Variants in TPST1 observed in about 807,000 individuals in gnomAD.
TPST1 encodes the protein protein-tyrosine sulfotransferase 1.
In TPST1, 20 loss-of-function variants were observed where a neutral mutation model predicts 34.8. That is an observed-to-expected ratio of 0.57 (90% CI 0.40 to 0.84). The LOEUF (loss-of-function observed/expected upper bound fraction) is 0.84. TPST1 is among the 40% of genes least tolerant of loss of function. The pLI is 0.00. For missense variants in TPST1, 353 were observed against 455.5 expected (o/e 0.78, Z 2.05); for synonymous variants, 152 against 159.4 (o/e 0.95, Z 0.35).
intron 3 of TPST1, among the ~76,000 whole-genome samples, chr7:66,301,574 A>G (rs10250544): frequency 0.67 from 101,203 of 152,046 alleles, 34,044 homozygotes; most frequent in African/African-American, 0.76. Flanking sequence ...TATTCCTTTC[A>G]TTTGGACACT....
chr7:66,328,645 A>G (rs1190572131), intron 3 of TPST1, among the ~76,000 whole-genome samples: 2 of 151,416 alleles, frequency 1.3e-5, no homozygotes, highest in South Asian at 2.1e-4. Flanking sequence ...CTTGGGTTCA[A>G]GCAATTCTCT....
chr7:66,202,583 A>T (rs1415450361), upstream of TPST1, among the ~76,000 whole-genome samples: 4 of 152,136 alleles, frequency 2.6e-5, no homozygotes, highest in African/African-American at 9.7e-5. Context: ...TTGTGGAAAG[A>T]GCCTGGCAGG....
chr7:66,356,748 A>C, intron 4 of TPST1, 77 bp from the exon 5 acceptor site: 1 of 1,559,568 alleles, frequency 6.4e-7, no homozygotes, highest in East Asian at 2.2e-5. Flanking sequence ...GCCACCCCTC[A>C]TGTTTCAGTG....
chr7:66,221,082 G>A (rs1789532963), intron 1 of TPST1, among the ~76,000 whole-genome samples: 1 of 151,548 alleles, frequency 6.6e-6, no homozygotes, highest in Non-Finnish European at 1.5e-5. Flanking sequence ...GCAGTGAGCC[G>A]AGATTGTGCC....
At chr7:66,203,508 C>T (rs1208981211), upstream of TPST1, among the ~76,000 whole-genome samples, 7 of 140,422 alleles carry the variant, frequency 5.0e-5, no homozygotes, top group African/African-American at 1.6e-4. Flanking sequence ...TTTTTTGAGA[C>T]GGAGTCTCAC....
chr7:66,307,177 A>C (rs117730872), intron 3 of TPST1, among the ~76,000 whole-genome samples: 1,520 of 148,482 alleles, frequency 0.01, 15 homozygotes, highest in Non-Finnish European at 0.018. Context: ...GTCTGCAGTG[A>C]TGAGATCTCG....
intron 3 of TPST1, among the ~76,000 whole-genome samples, chr7:66,343,459 C>T: frequency 6.6e-6 from 1 of 152,108 alleles, no homozygotes; most frequent in East Asian, 1.9e-4. Flanking sequence ...GGGTACTATG[C>T]TCACGACCTG....
chr7:66,213,538 G>C (rs1174320108), intron 1 of TPST1, among the ~76,000 whole-genome samples: 2 of 152,074 alleles, frequency 1.3e-5, no homozygotes, highest in African/African-American at 4.8e-5. Context: ...GGCAGATCAC[G>C]AGGTCGGGAG....
chr7:66,201,637 G>C (rs1313161373), upstream of TPST1, among the ~76,000 whole-genome samples: 7 of 151,870 alleles, frequency 4.6e-5, no homozygotes, highest in Non-Finnish European at 4.4e-5. Flanking sequence ...GTTGCAGTCA[G>C]CCGATATCAT....
intron 3 of TPST1, among the ~76,000 whole-genome samples, chr7:66,303,278 C>G (rs1167892773): frequency 6.6e-6 from 1 of 150,832 alleles, no homozygotes; most frequent in Non-Finnish European, 1.5e-5. Flanking sequence ...AAAAAAAAGA[C>G]TATGCATCCC....
chr7:66,360,184 T>C lies in TPST1; in HGVS notation c.*319T>C, dbSNP rs1792662617. The C allele has an allele frequency of 3.2e-6, 1 of 310,018 alleles. No homozygotes were observed. The highest frequency in any genetic ancestry group is 6.4e-6 in the Non-Finnish European group (1 of 157,066). 19.2% of individuals were successfully genotyped at this position (310,018 alleles called of 1,614,324 possible). A position where few individuals can be genotyped will look rare whatever the true frequency, so the allele number is the denominator to read the frequency against. ...CTCTTTTCTTACATTATGACGTTTG[T>C]TTTCAAGGAGAGGGTTTAAAAATGG... On this transcript the variant is annotated 3_prime_UTR_variant, in exon 6 of 6. Coordinates refer to ENST00000304842, the MANE Select transcript of TPST1 (RefSeq NM_003596.4).
At chr7:66,301,963 C>G (rs552669261) in intron 3 of TPST1, among the ~76,000 whole-genome samples, 2 of 152,316 alleles carry the variant, frequency 1.3e-5, no homozygotes, top group East Asian at 3.9e-4. Flanking sequence ...GTAAAAAACA[C>G]AACATCTGCA....
At chr7:66,359,016 C>T (rs1311112642) in intron 5 of TPST1, 3 of 152,216 alleles carry the variant, frequency 2.0e-5, no homozygotes, top group African/African-American at 4.8e-5. Context: ...TTTTGGGTCC[C>T]TTTGGCATTT....
intron 2 of TPST1, among the ~76,000 whole-genome samples, chr7:66,252,088 C>T (rs1221186722): frequency 5.9e-5 from 9 of 152,092 alleles, no homozygotes; most frequent in Admixed American, 2.6e-4. Context: ...GATGGAGTCT[C>T]GCTCTGTCGC....
chr7:66,300,110 A>G (rs1791284468), intron 3 of TPST1, among the ~76,000 whole-genome samples: 1 of 152,206 alleles, frequency 6.6e-6, no homozygotes, highest in South Asian at 2.1e-4. Flanking sequence ...TCAGCAAGTC[A>G]TAATCATTTT....
intron 1 of TPST1, among the ~76,000 whole-genome samples, chr7:66,207,095 A>C (rs1287785382): frequency 6.6e-6 from 1 of 152,192 alleles, no homozygotes; most frequent in African/African-American, 2.4e-5. Context: ...CGAATCAGTC[A>C]GCTTTTTCTG....
At chr7:66,344,693 G>A (rs576744785) in intron 3 of TPST1, among the ~76,000 whole-genome samples, 1 of 151,266 alleles carries the variant, frequency 6.6e-6, no homozygotes, top group East Asian at 1.9e-4. Context: ...TTACAGGTGT[G>A]AGGCACCTCA....
the TPST1 span, among the ~76,000 whole-genome samples, chr7:66,199,977 G>T: frequency 1.9e-3 from 291 of 151,862 alleles, 2 homozygotes; most frequent in Non-Finnish European, 2.9e-3. Flanking sequence ...TGATCTGCCC[G>T]CTTCGGCCTC....
intron 1 of TPST1, among the ~76,000 whole-genome samples, chr7:66,222,340 C>A (rs1789559913): frequency 6.6e-6 from 1 of 150,744 alleles, no homozygotes; most frequent in Admixed American, 6.6e-5. Flanking sequence ...GAGCTGAGAT[C>A]GTGCCACTGC....
Sources: gnomAD v4.1 joint callset for allele counts (sites outside exome capture counted in the v4.1 genomes callset) on GRCh38, gnomAD v4.1.1 for gene constraint, MANE v1.5 for transcripts, NCBI Gene and HGNC (gene_info 2026-07-23, HGNC 2026-07-21) for gene names.